FOXK1: variants seen among roughly 807,000 people sequenced by gnomAD.
FOXK1 encodes the protein forkhead box protein K1.
A neutral mutation model predicts 51.9 loss-of-function variants in FOXK1; 19 were observed. That is an observed-to-expected ratio of 0.37 (90% CI 0.26 to 0.54). The LOEUF (loss-of-function observed/expected upper bound fraction) is 0.54. Among genes scored for constraint, FOXK1 ranks in the 20% least tolerant of loss-of-function variants. The pLI, the probability that FOXK1 is intolerant of heterozygous loss-of-function variation, is 0.87. For missense variants in FOXK1, 870 were observed against 1,032.7 expected (o/e 0.84, Z 2.16); for synonymous variants, 537 against 482.6 (o/e 1.11, Z -1.48).
Position 4,715,185 on chromosome 7 carries a change from G to T in FOXK1, c.561-25653G>T, listed in dbSNP as rs902431725. 6.6e-6 allele frequency among the ~76,000 whole-genome samples: 1 copy of T among 151,946 alleles called. No homozygotes were observed. Among genetic ancestry groups the T allele is most frequent in the South Asian group, 2.1e-4 (1 of 4,826 alleles). ...GTGGAACTGTGACGATACGGGGCAC[G>T]GTGGAACTGTGGCGATACGGGGCAC... On this transcript the variant is annotated intron_variant, in intron 1 of 8. Transcript: ENST00000328914. The surrounding 1 kb of genome is among the most constrained non-coding windows in gnomAD (Gnocchi z 4.5).
chr7:4,693,439 A>C (rs1404499055), intron 1 of FOXK1, among the ~76,000 whole-genome samples: 2 of 152,262 alleles, frequency 1.3e-5, no homozygotes, highest in Non-Finnish European at 2.9e-5. Context: ...TATATAATTT[A>C]GTCATTGGCC....
intron 1 of FOXK1, among the ~76,000 whole-genome samples, chr7:4,701,825 G>A (rs910691460): frequency 5.9e-5 from 9 of 152,300 alleles, no homozygotes; most frequent in Admixed American, 6.5e-5. Context: ...CCTGGGAGGC[G>A]GAGTTTGCAG....
rs1459585431 is a variant in FOXK1 at position 4,762,889 on chromosome 7, G to A, written c.*425G>A. 1 of 173,106 alleles carries A rather than the reference G, an allele frequency of 5.8e-6. No individual in the cohort carries two copies. Among genetic ancestry groups the A allele is most frequent in the Non-Finnish European group, 1.2e-5 (1 of 80,346 alleles). The allele number at this position is 173,106 out of a possible 1,614,324, so 10.7% of individuals were successfully genotyped here. On this transcript the variant is annotated 3_prime_UTR_variant, in exon 9 of 9. Coordinates refer to ENST00000328914, the MANE Select transcript of FOXK1 (RefSeq NM_001037165.2). The surrounding 1 kb of genome is among the most constrained non-coding windows in gnomAD (Gnocchi z 5.7). ...AGCAAGGCACACACCAAGGCTGCCG[G>A]GGAGGCCCGGGCACCGGACAGATGC... is the stretch of plus-strand genomic sequence containing the variant.
Position 4,683,181 on chromosome 7 carries a change from C to T in FOXK1, c.560+313C>T, listed in dbSNP as rs554113893. 1.3e-3 allele frequency among the ~76,000 whole-genome samples: 202 copies of T among 151,760 alleles called. No individual in the cohort carries two copies. The highest frequency in any genetic ancestry group is 4.7e-3 in the African/African-American group (194 of 41,394). On this transcript the variant is annotated intron_variant, in intron 1 of 8. Coordinates refer to ENST00000328914, the MANE Select transcript of FOXK1 (RefSeq NM_001037165.2). This position sits in a 1 kb window ranked among gnomAD's most constrained non-coding sequence, Gnocchi z 4.5. ...CTCTGGGGTCAGCCCTGACCCACAC[C>T]TTGCGGCTCCTGGGGTCACCCCTGA...
intron 2 of FOXK1, among the ~76,000 whole-genome samples, chr7:4,742,207 C>A (rs1372049987): frequency 6.6e-6 from 1 of 152,208 alleles, no homozygotes; most frequent in Non-Finnish European, 1.5e-5. Flanking sequence ...ATGGTGTTGA[C>A]CTCACATATA....
chr7:4,705,893 T>G (rs1281577333), intron 1 of FOXK1, among the ~76,000 whole-genome samples: 1 of 149,754 alleles, frequency 6.7e-6, no homozygotes, highest in African/African-American at 2.5e-5. Context: ...TTTTAAGAGC[T>G]CAGCTTTTAG....
At position 4,756,368 on chromosome 7, in the gene FOXK1, G is replaced by A. The variant is rs1456882039; in HGVS notation, c.1051-626G>A. ...GACCTCAGGTAATCCTGCCAGCCTC[G>A]GCTTCCCAAAGTGCTGGGATTACAG... On this transcript the variant is annotated intron_variant, in intron 4 of 8. Transcript: ENST00000328914. The surrounding 1 kb of genome is among the most constrained non-coding windows in gnomAD (Gnocchi z 4.1). 2.0e-5 allele frequency among the ~76,000 whole-genome samples: 3 copies of A among 152,072 alleles called. No homozygotes were observed. Among genetic ancestry groups the A allele is most frequent in the African/African-American group, 7.2e-5 (3 of 41,512 alleles).
rs911261360 is a variant in FOXK1 at position 4,722,530 on chromosome 7, C to T, written c.561-18308C>T. ...TCAGCCCAGTGCCAGCGTGCTGGGACGGGTACACTCGTGCCTGTTAACCGC... is the reference window on the plus strand; with the variant it reads ...TCAGCCCAGTGCCAGCGTGCTGGGATGGGTACACTCGTGCCTGTTAACCGC... On this transcript the variant is annotated intron_variant, in intron 1 of 8. Coordinates refer to ENST00000328914, the MANE Select transcript of FOXK1 (RefSeq NM_001037165.2). The surrounding 1 kb of genome is among the most constrained non-coding windows in gnomAD (Gnocchi z 5.1). Among the ~76,000 whole-genome samples, 3 of 152,210 alleles carry T rather than the reference C, an allele frequency of 2.0e-5. No homozygotes were observed. The highest frequency in any genetic ancestry group is 1.9e-4 in the East Asian group (1 of 5,188).
Position 4,735,569 on chromosome 7 carries a change from G to A in FOXK1, c.561-5269G>A, listed in dbSNP as rs912740788. On this transcript the variant is annotated intron_variant, in intron 1 of 8. Transcript: ENST00000328914. This position sits in a 1 kb window ranked among gnomAD's most constrained non-coding sequence, Gnocchi z 4.7. ...CAACCACTAAGCTCCTTTCTAAGTC[G>A]GGCAAGAATGTTCTGGAGAGATGTC... Among the ~76,000 whole-genome samples the A allele has an allele frequency of 2.6e-5, 4 of 152,046 alleles. No homozygotes were observed. The highest frequency in any genetic ancestry group is 4.8e-5 in the African/African-American group (2 of 41,408).
intron 1 of FOXK1, among the ~76,000 whole-genome samples, chr7:4,717,500 A>C (rs914999276): frequency 1.5e-5 from 2 of 132,176 alleles, no homozygotes; most frequent in African/African-American, 3.0e-5. Flanking sequence ...TGGGAGGCGT[A>C]TGGCTGGGAG....
rs1421659476 is a variant in FOXK1, at chr7:4,771,328, T to G, written c.*8864T>G. 1.3e-5 allele frequency: 2 copies of G among 152,646 alleles called. No homozygotes were observed. The highest frequency in any genetic ancestry group is 1.3e-4 in the Admixed American group (2 of 15,284). The allele number at this position is 152,646 out of a possible 1,614,324, so 9.5% of individuals were successfully genotyped here. On this transcript the variant is annotated 3_prime_UTR_variant, in exon 9 of 9. Coordinates refer to ENST00000328914, the MANE Select transcript of FOXK1 (RefSeq NM_001037165.2). Reference sequence around the variant, plus strand: ...AAAATTTCTACTTTTTGTTTTTCATTTATTTTAACTGTTCTTTTATCTATT... The same window carrying G: ...AAAATTTCTACTTTTTGTTTTTCATGTATTTTAACTGTTCTTTTATCTATT...
intron 1 of FOXK1, among the ~76,000 whole-genome samples, chr7:4,718,420 T>C (rs1177920312): frequency 6.6e-6 from 1 of 152,238 alleles, no homozygotes; most frequent in Non-Finnish European, 1.5e-5. Flanking sequence ...TTCTGAGTTG[T>C]GGGCCTCAGG....
intron 2 of FOXK1, 40 bp downstream of exon 2, chr7:4,741,063 G>C: frequency 1.4e-6 from 2 of 1,403,366 alleles, no homozygotes; most frequent in Non-Finnish European, 1.9e-6. Flanking sequence ...CCCCAGGAGA[G>C]AGGGGGATGA....
At chr7:4,706,016 A>ATATATACGTGTATATACGTG (rs59410473) in intron 1 of FOXK1, among the ~76,000 whole-genome samples, 1 of 77,368 alleles carries the variant, frequency 1.3e-5, no homozygotes. Context: ...ATATATACGT[A>ATATATACGTGTATATACGTG]TATATACGTG....
At chr7:4,750,620 T>C (rs935849070) in intron 2 of FOXK1, among the ~76,000 whole-genome samples, 3 of 151,962 alleles carry the variant, frequency 2.0e-5, no homozygotes, top group Non-Finnish European at 2.9e-5. Flanking sequence ...TTTTGTTTTC[T>C]GTATTTTTTA....
rs140766938 is a variant in FOXK1 at position 4,748,818 on chromosome 7, A to G, written c.747-5641A>G. Among the ~76,000 whole-genome samples the G allele has an allele frequency of 2.0e-5, 3 of 152,196 alleles. No homozygotes were observed. The highest frequency in any genetic ancestry group is 4.4e-5 in the Non-Finnish European group (3 of 68,036). ...CTCAGCCTCCCGAGTAGTAGGGACT[A>G]CAGGTGTGCACCACCATGCCCGGCT... On this transcript the variant is annotated intron_variant, in intron 2 of 8. Coordinates refer to ENST00000328914, the MANE Select transcript of FOXK1 (RefSeq NM_001037165.2). This position sits in a 1 kb window ranked among gnomAD's most constrained non-coding sequence, Gnocchi z 4.9.
chr7:4,761,866 G>T lies in FOXK1; in HGVS notation c.1922-318G>T, dbSNP rs1780936804. On this transcript the variant is annotated intron_variant, in intron 8 of 8. Coordinates refer to ENST00000328914, the MANE Select transcript of FOXK1 (RefSeq NM_001037165.2). This position sits in a 1 kb window ranked among gnomAD's most constrained non-coding sequence, Gnocchi z 6.2. ...GGGGGTGCAGGGTACCAGGGCACCG[G>T]GCGCATTGTCAGTGGGGTGGCTCAG... 6.6e-6 allele frequency among the ~76,000 whole-genome samples: 1 copy of T among 152,034 alleles called. No homozygotes were observed. The highest frequency in any genetic ancestry group is 1.5e-5 in the Non-Finnish European group (1 of 68,000).
rs779992813 is a variant in FOXK1, at chr7:4,722,456, G to A, written c.561-18382G>A. Among the ~76,000 whole-genome samples the A allele has an allele frequency of 6.6e-6, 1 of 152,212 alleles. No homozygotes were observed. The highest frequency in any genetic ancestry group is 1.5e-5 in the Non-Finnish European group (1 of 68,034). Reference sequence around the variant, plus strand: ...GGAGGTCCCGTGGCCAAGTGGCAGCGGTGCCGGACATACACGGCAGGGCAG... The same window carrying A: ...GGAGGTCCCGTGGCCAAGTGGCAGCAGTGCCGGACATACACGGCAGGGCAG... On this transcript the variant is annotated intron_variant, in intron 1 of 8. Coordinates refer to ENST00000328914, the MANE Select transcript of FOXK1 (RefSeq NM_001037165.2). This position sits in a 1 kb window ranked among gnomAD's most constrained non-coding sequence, Gnocchi z 5.1.
intron 3 of FOXK1, chr7:4,754,833 G>A (rs1780822555): frequency 3.0e-6 from 2 of 658,030 alleles, no homozygotes; most frequent in Non-Finnish European, 5.1e-6. Flanking sequence ...GACAGGGGTG[G>A]CGCCGTCACC....
Sources: gnomAD v4.1 joint callset for allele counts (sites outside exome capture counted in the v4.1 genomes callset) on GRCh38, gnomAD v4.1.1 for gene constraint, Gnocchi (gnomAD v3.1) non-coding constraint, MANE v1.5 for transcripts, NCBI Gene and HGNC (gene_info 2026-07-23, HGNC 2026-07-21) for gene names.